Variants in MYO16 observed in about 807,000 individuals in gnomAD.
The protein encoded by MYO16 is unconventional myosin-XVI.
A neutral mutation model predicts 205.3 loss-of-function variants in MYO16; 94 were observed. The ratio of observed to expected loss-of-function variants is 0.46; its 90% confidence interval spans 0.39 to 0.54. The LOEUF (loss-of-function observed/expected upper bound fraction) is 0.54. Ranked by LOEUF, MYO16 falls within the 20% of genes least tolerant of loss-of-function variation. MYO16 has a pLI of 0.00. For missense variants in MYO16, 2,315 were observed against 2,387.5 expected (o/e 0.97, Z 0.63); for synonymous variants, 988 against 954.0 (o/e 1.04, Z -0.66).
At chr13:108,768,948 G>A (rs1885870040) in intron 4 of MYO16, among the ~76,000 whole-genome samples, 2 of 151,856 alleles carry the variant, frequency 1.3e-5, no homozygotes, top group Admixed American at 1.3e-4. Flanking sequence ...AGCTTTTCCT[G>A]GAATTAAAGA....
chr13:109,145,358 G>T (rs1210445203), intron 32 of MYO16, among the ~76,000 whole-genome samples: 1 of 129,882 alleles, frequency 7.7e-6, no homozygotes, highest in Non-Finnish European at 1.6e-5. Flanking sequence ...GACAGCAAGA[G>T]AAAAAGAGAC....
At chr13:108,598,570 T>C (rs1222791630) in intron 1 of MYO16, among the ~76,000 whole-genome samples, 1 of 152,202 alleles carries the variant, frequency 6.6e-6, no homozygotes, top group African/African-American at 2.4e-5. Flanking sequence ...CTGACAAATA[T>C]GAGTTGAAAG....
intron 4 of MYO16, among the ~76,000 whole-genome samples, chr13:108,764,908 A>G (rs574322252): frequency 4.6e-5 from 7 of 152,310 alleles, no homozygotes; most frequent in Admixed American, 2.0e-4. Flanking sequence ...ACAGTCATAC[A>G]CTTTCATCTT....
the MYO16 span, among the ~76,000 whole-genome samples, chr13:108,589,666 C>T: frequency 6.6e-6 from 1 of 152,026 alleles, no homozygotes; most frequent in African/African-American, 2.4e-5. Flanking sequence ...ATATATTGAA[C>T]ATTATTGTCT....
intron 3 of MYO16, among the ~76,000 whole-genome samples, chr13:108,720,051 G>A (rs944183602): frequency 6.6e-6 from 1 of 152,130 alleles, no homozygotes; most frequent in Non-Finnish European, 1.5e-5. Context: ...TGGAAGCTGC[G>A]GCTCTCTGCA....
chr13:108,931,225 C>T (rs1306613646), intron 16 of MYO16, among the ~76,000 whole-genome samples: 2 of 152,212 alleles, frequency 1.3e-5, no homozygotes, highest in African/African-American at 4.8e-5. Flanking sequence ...GCATTCCTGT[C>T]TGCCTAACAA....
chr13:108,703,344 T>A (rs1883381670), intron 2 of MYO16, among the ~76,000 whole-genome samples: 1 of 152,156 alleles, frequency 6.6e-6, no homozygotes, highest in Non-Finnish European at 1.5e-5. Context: ...CATTATATAG[T>A]GATAAAGGAA....
chr13:108,920,502 A>T (rs1278933668), intron 16 of MYO16, among the ~76,000 whole-genome samples: 1 of 151,794 alleles, frequency 6.6e-6, no homozygotes, highest in African/African-American at 2.4e-5. Flanking sequence ...ATTATCACCC[A>T]GGCTGGAATG....
intron 29 of MYO16, 67 bp downstream of exon 29, chr13:109,120,533 C>A: frequency 3.2e-6 from 4 of 1,242,008 alleles, no homozygotes; most frequent in Admixed American, 2.0e-5. Context: ...TTTAGTGCAT[C>A]CCCAAGTTTA....
intron 20 of MYO16, among the ~76,000 whole-genome samples, chr13:108,983,021 A>G (rs1204116641): frequency 5.3e-5 from 8 of 152,170 alleles, no homozygotes; most frequent in Admixed American, 4.6e-4. Context: ...AACCTTTTCA[A>G]TTGATATCCG....
At chr13:109,047,150 C>T (rs903111407) in intron 24 of MYO16, among the ~76,000 whole-genome samples, 159 bp downstream of exon 24, 1 of 152,108 alleles carries the variant, frequency 6.6e-6, no homozygotes, top group Admixed American at 6.5e-5. Context: ...ATGGGTCTTG[C>T]TGCACTATAT....
chr13:108,979,563 G>T (rs1329382884), intron 20 of MYO16, among the ~76,000 whole-genome samples: 1 of 151,936 alleles, frequency 6.6e-6, no homozygotes, highest in African/African-American at 2.4e-5. Flanking sequence ...TTCTATTTCT[G>T]TGTAGACTTA....
chr13:108,628,515 A>T (rs935380501), upstream of MYO16, among the ~76,000 whole-genome samples: 57 of 152,192 alleles, frequency 3.7e-4, 3 homozygotes. Context: ...TAGCAGGTTA[A>T]ATAATGTGTT....
the MYO16 span, among the ~76,000 whole-genome samples, chr13:108,571,378 T>C: frequency 1.3e-5 from 2 of 152,072 alleles, no homozygotes; most frequent in African/African-American, 4.8e-5. Flanking sequence ...TGGTGCTGAA[T>C]TTGGCAAGGA....
In MYO16 at chr13:109,159,566, A is replaced by G. The variant is rs139657606; in HGVS notation, c.5165-5335A>G. ...CTCTATTCTAGGCACTGAAAATACA[A>G]CGCACATTGTATTTGCCCACATTCC... On this transcript the variant is annotated intron_variant, in intron 32 of 34. Coordinates refer to ENST00000457511, the MANE Select transcript of MYO16 (RefSeq NM_001198950.3). 2.0e-5 allele frequency among the ~76,000 whole-genome samples: 3 copies of G among 152,368 alleles called. No individual in the cohort carries two copies. In the East Asian group the frequency reaches 5.8e-4, roughly 29 times the overall value.
intron 32 of MYO16, among the ~76,000 whole-genome samples, chr13:109,151,181 G>A (rs955344822): frequency 7.9e-5 from 12 of 151,754 alleles, no homozygotes; most frequent in Non-Finnish European, 1.2e-4. Context: ...TCACGCCATC[G>A]AGAGTGAGCT....
At chr13:108,859,024 G>A (rs552874820) in intron 11 of MYO16, among the ~76,000 whole-genome samples, 1 of 152,208 alleles carries the variant, frequency 6.6e-6, no homozygotes, top group South Asian at 2.1e-4. Context: ...TGCTTCTGGA[G>A]GCCAGCCCCC....
intron 9 of MYO16, among the ~76,000 whole-genome samples, chr13:108,825,871 C>T (rs1430373307): frequency 3.3e-5 from 5 of 151,528 alleles, no homozygotes; most frequent in East Asian, 1.9e-4. Flanking sequence ...TAATTTACAA[C>T]AACATAAGAA....
intron 2 of MYO16, among the ~76,000 whole-genome samples, chr13:108,676,295 GA>G (rs146865635): frequency 0.022 from 3,410 of 151,936 alleles, 53 homozygotes; most frequent in Non-Finnish European, 0.035. Flanking sequence ...TATTAAAAGG[GA>G]AAAATTTACA....
Sources: gnomAD v4.1 joint callset for allele counts (sites outside exome capture counted in the v4.1 genomes callset) on GRCh38, gnomAD v4.1.1 for gene constraint, MANE v1.5 for transcripts, NCBI Gene and HGNC (gene_info 2026-07-23, HGNC 2026-07-21) for gene names.